The following PHTF1 variants were observed in gnomAD, a reference collection of about 807,000 sequenced individuals.
PHTF1 encodes protein PHTF1.
PHTF1 carries 88 observed loss-of-function variants against 102.4 expected under a neutral mutation model. The ratio of observed to expected loss-of-function variants is 0.86; its 90% CI spans 0.72 to 1.03. PHTF1 has a LOEUF of 1.03. Among genes scored for constraint, PHTF1 ranks in the 50% least tolerant of loss-of-function variants. PHTF1 has a pLI of 0.00. For synonymous variants in PHTF1, 289 were observed against 305.2 expected (o/e 0.95, Z 0.55); for missense variants, 814 against 909.5 (o/e 0.89, Z 1.35).
chr1:113,710,271 C>A lies in PHTF1; in HGVS notation c.1252G>T (p.Glu418Ter), dbSNP rs537039080. The A allele has an allele frequency of 6.2e-7, 1 of 1,613,200 alleles. No homozygotes were observed. The highest frequency in any genetic ancestry group is 1.1e-5 in the South Asian group (1 of 91,024). The change falls in exon 11 of 19, where the codon GAG becomes TAG. Residue 418 changes from glutamate (E) to a stop codon, truncating the protein, a stop_gained. Transcript: ENST00000369604. LOFTEE classifies it high-confidence loss of function. ...LHSGTKRDPK[E>*]DVFQQNHLFW... ...GCACAGACCTGCTGAAAAACATCCT[C>A]TTTGGGGTCACGTTTGGTCCCTGAG...
intron 3 of PHTF1, among the ~76,000 whole-genome samples, chr1:113,740,779 C>A (rs1656228207): frequency 6.6e-6 from 1 of 152,020 alleles, no homozygotes; most frequent in Admixed American, 6.5e-5. Flanking sequence ...CCTATAATCC[C>A]AGCACTTTGG....
In PHTF1 at chr1:113,724,810, A is replaced by C; in HGVS notation, c.572T>G (p.Leu191Trp). 6.2e-7 allele frequency: 1 copy of C among 1,612,100 alleles called. No homozygotes were observed. Among genetic ancestry groups the C allele is most frequent in the Non-Finnish European group, 8.5e-7 (1 of 1,178,890 alleles). Residue 191 changes from leucine to tryptophan, a missense_variant, in exon 7 of 19, where the codon TTG becomes TGG. Leu to Trp is a moderately conservative substitution (Grantham distance 61, BLOSUM62 -2). Transcript: ENST00000369604. ...ACCACCAATAATGGGTACAGATTCCAAAGTTTCTATTCCTCTGACTTTATC... is the reference window on the plus strand; with the variant it reads ...ACCACCAATAATGGGTACAGATTCCCAAGTTTCTATTCCTCTGACTTTATC... ...SSDKVRGIET[L>W]ESVPIIGGFW...
chr1:113,701,878 G>A (rs1174312175), intron 15 of PHTF1, among the ~76,000 whole-genome samples: 3 of 79,522 alleles, frequency 3.8e-5, no homozygotes, highest in Non-Finnish European at 8.0e-5. Flanking sequence ...AAGTGAAAGT[G>A]ATAAAATATA....
intron 3 of PHTF1, among the ~76,000 whole-genome samples, chr1:113,752,811 T>C (rs1658294712): frequency 1.3e-5 from 2 of 152,196 alleles, no homozygotes; most frequent in Non-Finnish European, 2.9e-5. Context: ...CTTATTACAT[T>C]GGCTGGGACT....
intron 11 of PHTF1, among the ~76,000 whole-genome samples, chr1:113,708,924 T>TAAGGGA (rs1650631904): frequency 6.6e-6 from 1 of 152,076 alleles, no homozygotes; most frequent in African/African-American, 2.4e-5. Context: ...ATGCAAAAAA[T>TAAGGGA]ATTTAGCCTC....
rs140194887 is a variant in PHTF1, at chr1:113,749,999, TTTG to T, written c.102+7697_102+7699del. Among the ~76,000 whole-genome samples, 1,312 of 152,162 alleles carry T rather than the reference TTTG, an allele frequency of 8.6e-3. 12 individuals are homozygous for T. The highest frequency in any genetic ancestry group is 0.013 in the Non-Finnish European group (886 of 67,992). On this transcript the variant is annotated intron_variant, in intron 3 of 18. Transcript: ENST00000369604. ...ACCATTTTTTGGGTTTTGTTTTGTTTTTGTTTTTTTTTCAGGACAGGGTCTTGC... is the reference window on the plus strand; with the variant it reads ...ACCATTTTTTGGGTTTTGTTTTGTTTTTTTTTTTTCAGGACAGGGTCTTGC...
chr1:113,742,638 A>C (rs1032360819), intron 3 of PHTF1, among the ~76,000 whole-genome samples: 1 of 152,066 alleles, frequency 6.6e-6, no homozygotes, highest in African/African-American at 2.4e-5. Context: ...GAAAAAAAAA[A>C]GATAAAAAAT....
At chr1:113,754,209 G>A (rs1333763305) in intron 3 of PHTF1, among the ~76,000 whole-genome samples, 7 of 152,058 alleles carry the variant, frequency 4.6e-5, no homozygotes, top group Admixed American at 1.3e-4. Flanking sequence ...TCAGGAATTC[G>A]AGACCAGCCT....
At chr1:113,745,056 A>C (rs1456598116) in intron 3 of PHTF1, among the ~76,000 whole-genome samples, 2 of 149,616 alleles carry the variant, frequency 1.3e-5, no homozygotes, top group East Asian at 3.9e-4. Flanking sequence ...GCAGGGCAAG[A>C]AAGAAAGAAA....
chr1:113,739,145 G>A (rs936786284), intron 3 of PHTF1, among the ~76,000 whole-genome samples: 3 of 152,036 alleles, frequency 2.0e-5, no homozygotes, highest in South Asian at 2.1e-4. Context: ...TAGCCTCTGC[G>A]CCCAGCCAGA....
intron 5 of PHTF1, among the ~76,000 whole-genome samples, chr1:113,734,336 A>C (rs1334272039): frequency 6.6e-6 from 1 of 152,222 alleles, no homozygotes; most frequent in Non-Finnish European, 1.5e-5. Flanking sequence ...CAATCTTCTT[A>C]AAGAATACCT....
At chr1:113,757,084 G>A (rs913178144) in intron 3 of PHTF1, among the ~76,000 whole-genome samples, 3 of 152,116 alleles carry the variant, frequency 2.0e-5, no homozygotes, top group Admixed American at 2.0e-4. Flanking sequence ...GGAAAATGGC[G>A]TGAACCCAGG....
chr1:113,707,499 T>C (rs1197887305), intron 11 of PHTF1, among the ~76,000 whole-genome samples: 1 of 152,198 alleles, frequency 6.6e-6, no homozygotes, highest in East Asian at 1.9e-4. Context: ...TAACATCTTA[T>C]TATATGGTGC....
chr1:113,754,725 T>G (rs537856368), intron 3 of PHTF1, among the ~76,000 whole-genome samples: 1 of 152,202 alleles, frequency 6.6e-6, no homozygotes, highest in Admixed American at 6.5e-5. Flanking sequence ...GTCTATATTT[T>G]TATTTCTATC....
In PHTF1 at chr1:113,759,136, C is replaced by T. The variant is rs1243586402; in HGVS notation, c.-144G>A. On this transcript the variant is annotated 5_prime_UTR_variant, in exon 1 of 19. Coordinates refer to ENST00000369604, the MANE Select transcript of PHTF1 (RefSeq NM_001323043.2). ...GCCAGGCAGGCCGCATCTTCCCCTCCAGGCGGAGACGCCGGAGAGGCCGTT... is the reference window on the plus strand; with the variant it reads ...GCCAGGCAGGCCGCATCTTCCCCTCTAGGCGGAGACGCCGGAGAGGCCGTT... 5 of 954,744 alleles carry T rather than the reference C, an allele frequency of 5.2e-6. No individual in the cohort carries two copies. Among genetic ancestry groups the T allele is most frequent in the African/African-American group, 1.8e-5 (1 of 56,732 alleles). The allele number at this position is 954,744 out of a possible 1,614,324, so 59.1% of individuals were successfully genotyped here.
intron 5 of PHTF1, among the ~76,000 whole-genome samples, chr1:113,736,847 G>A (rs1017303486): frequency 6.6e-6 from 1 of 152,190 alleles, no homozygotes; most frequent in Non-Finnish European, 1.5e-5. Flanking sequence ...TGATGTCTGA[G>A]AGAAGAGCAG....
At chr1:113,731,664 C>T (rs893227393) in intron 5 of PHTF1, among the ~76,000 whole-genome samples, 19 of 151,916 alleles carry the variant, frequency 1.3e-4, no homozygotes, top group African/African-American at 4.6e-4. Context: ...GAGGCCGAGG[C>T]GGAAGGGTCA....
rs1465464928 is a variant in PHTF1, at chr1:113,733,224, TAA to T, written c.331+4884_331+4885del. 6.2e-4 allele frequency among the ~76,000 whole-genome samples: 94 copies of T among 152,026 alleles called. 1 individual carries two copies. Among genetic ancestry groups the T allele is most frequent in the Non-Finnish European group, 1.8e-4 (12 of 67,970 alleles). On this transcript the variant is annotated intron_variant, in intron 5 of 18. Transcript: ENST00000369604. Reference sequence around the variant, plus strand: ...ACCTAGATAACAATTTTTAAAATTATAATAATGCTGGTAAGACCATGGTAAAA... The same window carrying T: ...ACCTAGATAACAATTTTTAAAATTATTAATGCTGGTAAGACCATGGTAAAA...
chr1:113,755,550 C>T (rs1259451605), intron 3 of PHTF1, among the ~76,000 whole-genome samples: 2 of 151,996 alleles, frequency 1.3e-5, no homozygotes, highest in Non-Finnish European at 2.9e-5. Context: ...GGTAGATTAC[C>T]CTATGAGAGA....
Sources: gnomAD v4.1 joint callset for allele counts (sites outside exome capture counted in the v4.1 genomes callset) on GRCh38, gnomAD v4.1.1 for gene constraint, MANE v1.5 for transcripts, NCBI Gene and HGNC (gene_info 2026-07-23, HGNC 2026-07-21) for gene names.